The following STK32A variants were observed in gnomAD, a reference collection of about 807,000 sequenced individuals.
The protein encoded by STK32A is serine/threonine kinase 32A, also known as serine/threonine-protein kinase 32A.
A neutral mutation model predicts 53.2 loss-of-function variants in STK32A; 41 were observed. The ratio of observed to expected loss-of-function variants is 0.77; its 90% CI spans 0.60 to 1.00. The LOEUF is 1.00. Ranked by LOEUF, STK32A falls within the 50% of genes least tolerant of loss-of-function variation. The pLI is 0.00. For synonymous variants in STK32A, 166 were observed against 162.8 expected (o/e 1.02, Z -0.15); for missense variants, 458 against 485.8 (o/e 0.94, Z 0.54).
At chr5:147,282,413 A>G (rs1423035575) in intron 4 of STK32A, among the ~76,000 whole-genome samples, 3 of 152,206 alleles carry the variant, frequency 2.0e-5, no homozygotes, top group African/African-American at 7.2e-5. Context: ...AACAAAGAGC[A>G]TGATGAATGC....
intron 7 of STK32A, among the ~76,000 whole-genome samples, chr5:147,356,750 A>G (rs1330891871): frequency 6.6e-6 from 1 of 152,110 alleles, no homozygotes. Context: ...AGTATTTTGG[A>G]TTGATTTGGG....
At chr5:147,236,246 C>A (rs1020469561) in intron 1 of STK32A, among the ~76,000 whole-genome samples, 1 of 152,146 alleles carries the variant, frequency 6.6e-6, no homozygotes, top group East Asian at 1.9e-4. Flanking sequence ...ATCTGATAAT[C>A]GGCCAGGTCA....
intron 2 of STK32A, among the ~76,000 whole-genome samples, chr5:147,273,102 G>GT (rs1184497004): frequency 2.0e-4 from 30 of 152,304 alleles, no homozygotes; most frequent in African/African-American, 6.7e-4. Flanking sequence ...GCATCAGGGT[G>GT]TTATAACAGA....
intron 9 of STK32A, among the ~76,000 whole-genome samples, chr5:147,371,407 T>C (rs1756999107): frequency 6.6e-6 from 1 of 152,200 alleles, no homozygotes; most frequent in Non-Finnish European, 1.5e-5. Flanking sequence ...TGACTACACA[T>C]AAACTGCTTT....
chr5:147,287,527 C>G (rs997116092), intron 4 of STK32A, among the ~76,000 whole-genome samples: 2 of 152,132 alleles, frequency 1.3e-5, no homozygotes, highest in Non-Finnish European at 2.9e-5. Context: ...ATACAATTTG[C>G]TCAAAGCCTC....
chr5:147,239,457 G>A (rs1287160452), intron 1 of STK32A, 82 bp from the exon 2 acceptor site: 2 of 535,032 alleles, frequency 3.7e-6, no homozygotes, highest in Non-Finnish European at 6.7e-6. Flanking sequence ...TACAGATGAG[G>A]TTTATGTTTC....
At chr5:147,272,432 G>T (rs1755080208) in intron 2 of STK32A, among the ~76,000 whole-genome samples, 2 of 152,096 alleles carry the variant, frequency 1.3e-5, no homozygotes, top group Admixed American at 6.5e-5. Context: ...ATATTTTATG[G>T]TACATTTACA....
chr5:147,271,361 G>A (rs6885403), intron 2 of STK32A, among the ~76,000 whole-genome samples: 89,290 of 151,716 alleles, frequency 0.59, 26,643 homozygotes, highest in African/African-American at 0.67. Context: ...GTAAGCTGAG[G>A]AGGATGTATT....
intron 8 of STK32A, among the ~76,000 whole-genome samples, chr5:147,366,796 A>T (rs996788711): frequency 6.6e-6 from 1 of 152,046 alleles, no homozygotes; most frequent in Non-Finnish European, 1.5e-5. Flanking sequence ...TCTCATAAGG[A>T]TACTCTATCT....
rs977415235 is a variant in STK32A at position 147,235,097 on chromosome 5, T to C, written c.-199T>C. On this transcript the variant is annotated 5_prime_UTR_variant, in exon 1 of 13. Transcript: ENST00000397936. ...GCCGCTTCCGGGCAGATAGGTGCCT[T>C]TTCTTGCTCCTTGCTCTTGGAGTTC... 3.9e-5 allele frequency: 6 copies of C among 154,782 alleles called. No individual in the cohort carries two copies. The highest frequency in any genetic ancestry group is 1.4e-4 in the African/African-American group (6 of 41,498). 9.6% of individuals were successfully genotyped at this position (154,782 alleles called of 1,614,324 possible).
chr5:147,383,553 T>A, intron 12 of STK32A, 48 bp downstream of exon 12: 1 of 1,378,258 alleles, frequency 7.3e-7, no homozygotes, highest in Non-Finnish European at 1.0e-6. Flanking sequence ...GTGGCATGTT[T>A]CAGCCAGACT....
intron 4 of STK32A, among the ~76,000 whole-genome samples, chr5:147,294,929 C>T (rs1561700246): frequency 6.6e-6 from 1 of 152,184 alleles, no homozygotes; most frequent in Non-Finnish European, 1.5e-5. Flanking sequence ...ATGATCTGCC[C>T]GCCTCGGCCT....
At chr5:147,256,060 T>C (rs1754221164) in intron 2 of STK32A, among the ~76,000 whole-genome samples, 2 of 152,212 alleles carry the variant, frequency 1.3e-5, no homozygotes, top group Admixed American at 6.5e-5. Context: ...TCCAGTTATT[T>C]GGCAGAGTGT....
intron 2 of STK32A, among the ~76,000 whole-genome samples, chr5:147,264,215 G>C (rs1016651496): frequency 6.6e-6 from 1 of 152,124 alleles, no homozygotes; most frequent in Non-Finnish European, 1.5e-5. Flanking sequence ...AAGAAAGAAG[G>C]GGGCACTGCA....
At chr5:147,338,101 T>C (rs1755227334) in intron 5 of STK32A, among the ~76,000 whole-genome samples, 1 of 152,156 alleles carries the variant, frequency 6.6e-6, no homozygotes, top group South Asian at 2.1e-4. Flanking sequence ...ATGATATGGA[T>C]GTGTTTTTGC....
At chr5:147,307,616 C>T (rs140219186) in intron 4 of STK32A, among the ~76,000 whole-genome samples, 44 of 118,674 alleles carry the variant, frequency 3.7e-4, no homozygotes, top group African/African-American at 1.5e-3. Flanking sequence ...CAGATCCAGA[C>T]GCTGTCTCAA....
chr5:147,247,149 A>G (rs977178093), intron 2 of STK32A, among the ~76,000 whole-genome samples: 1 of 152,344 alleles, frequency 6.6e-6, no homozygotes, highest in South Asian at 2.1e-4. Context: ...CAAGCCTACT[A>G]TCTTCAAAGA....
At chr5:147,393,984 C>T in the STK32A span, 1 of 1,588,756 alleles carries the variant, frequency 6.3e-7, no homozygotes. Context: ...ACCATTTTGG[C>T]TTCAAAACAA....
At chr5:147,260,180 CTCTCTCT>C (rs1184663911) in intron 2 of STK32A, among the ~76,000 whole-genome samples, 1 of 11,456 alleles carries the variant, frequency 8.7e-5, no homozygotes, top group African/African-American at 4.4e-4. Flanking sequence ...TCTCTCTCTC[CTCTCTCT>C]CTCCTCTCTC....
Sources: allele counts gnomAD v4.1 joint callset (sites outside exome capture counted in the v4.1 genomes callset), GRCh38; gene constraint gnomAD v4.1.1; transcripts MANE v1.5; gene names NCBI Gene and HGNC (gene_info 2026-07-23, HGNC 2026-07-21).